Variants in AGBL4 observed in about 807,000 individuals in gnomAD.
AGBL4 encodes the protein AGBL carboxypeptidase 4.
Under a neutral mutation model 66.4 loss-of-function variants are expected in AGBL4, and 58 were observed. The ratio of observed to expected loss-of-function variants is 0.87; its 90% confidence interval spans 0.71 to 1.09. The LOEUF (loss-of-function observed/expected upper bound fraction) is 1.09. Ranked by LOEUF, AGBL4 falls within the 50% of genes least tolerant of loss-of-function variation. The pLI is 0.00. For missense variants in AGBL4, 579 were observed against 631.0 expected, an observed-to-expected ratio of 0.92 and a Z score of 0.88; for synonymous variants, 234 against 222.9, an observed-to-expected ratio of 1.05 and a Z score of -0.44.
intron 1 of AGBL4, among the ~76,000 whole-genome samples, chr1:49,948,411 A>G (rs1250320016): frequency 1.7e-5 from 2 of 116,766 alleles, no homozygotes; most frequent in South Asian, 2.4e-4. Flanking sequence ...ATATATAAAT[A>G]TAGATAAATA....
intron 3 of AGBL4, among the ~76,000 whole-genome samples, chr1:49,694,939 G>C (rs1368978302): frequency 2.6e-5 from 4 of 152,028 alleles, no homozygotes; most frequent in Admixed American, 2.6e-4. Context: ...TTAAGTGAAA[G>C]AAAAACTGGG....
In AGBL4 at chr1:48,780,706, A is replaced by T. The variant is rs568307997; in HGVS notation, c.634+86485T>A. Among the ~76,000 whole-genome samples, 9 of 152,314 alleles carry T rather than the reference A, an allele frequency of 5.9e-5. No individual in the cohort carries two copies. In the South Asian group the frequency reaches 1.9e-3, roughly 32 times the overall value. On this transcript the variant is annotated intron_variant, in intron 6 of 13. Coordinates refer to ENST00000371839, the MANE Select transcript of AGBL4 (RefSeq NM_032785.4). ...GATTCCCTGTTTAATAAATAGTGTT[A>T]GGAAAACTAGCTAGCCATATGCACA...
chr1:49,686,747 T>C (rs1646794839), intron 3 of AGBL4, among the ~76,000 whole-genome samples: 1 of 152,198 alleles, frequency 6.6e-6, no homozygotes, highest in Non-Finnish European at 1.5e-5. Flanking sequence ...GTAAAATTTA[T>C]GGAAAGCTTT....
At chr1:49,715,879 C>T (rs968432431) in intron 2 of AGBL4, among the ~76,000 whole-genome samples, 1 of 152,008 alleles carries the variant, frequency 6.6e-6, no homozygotes, top group Non-Finnish European at 1.5e-5. Context: ...AGATTGCAAA[C>T]ATTTTCTCCC....
chr1:48,837,711 C>CTATA (rs58650623), intron 6 of AGBL4, among the ~76,000 whole-genome samples: 2,316 of 82,226 alleles, frequency 0.028, 95 homozygotes, highest in Middle Eastern at 0.066. Flanking sequence ...CACACACACA[C>CTATA]TATATATATA....
intron 3 of AGBL4, among the ~76,000 whole-genome samples, chr1:49,450,552 C>A (rs2148681429): frequency 6.6e-6 from 1 of 152,206 alleles, no homozygotes; most frequent in Middle Eastern, 3.4e-3. Flanking sequence ...TTCATTTATT[C>A]ATTCAACATA....
rs539318340 is a variant in AGBL4, at chr1:49,063,121, AT to A, written c.378-17322del. 2.9e-3 allele frequency among the ~76,000 whole-genome samples: 445 copies of A among 151,854 alleles called. 3 individuals are homozygous for A. The highest frequency in any genetic ancestry group is 0.024 in the South Asian group (116 of 4,812). ...AAATCAGAAGTATAGGAGGCAAGGA[AT>A]TTTTTTTTCATATAAGAAAAGCATA... is the stretch of plus-strand genomic sequence containing the variant. On this transcript the variant is annotated intron_variant, in intron 4 of 13. Transcript: ENST00000371839.
intron 5 of AGBL4, among the ~76,000 whole-genome samples, chr1:48,907,582 G>A (rs934175475): frequency 2.0e-5 from 3 of 152,084 alleles, no homozygotes; most frequent in Non-Finnish European, 4.4e-5. Flanking sequence ...TCTAGCCTAC[G>A]CAATTCATCA....
rs11485573 is a variant in AGBL4 at position 49,580,280 on chromosome 1, A to T, written c.282+117033T>A. Among the ~76,000 whole-genome samples the T allele has an allele frequency of 4.3e-3, 659 of 152,202 alleles. 7 individuals carry two copies. Among genetic ancestry groups the T allele is most frequent in the African/African-American group, 0.015 (617 of 41,538 alleles). Reference sequence around the variant, plus strand: ...TTTAAAATCCATTCAGACAATCCTTATCTTTTAAGTGGAGAACTTAATATA... The same window carrying T: ...TTTAAAATCCATTCAGACAATCCTTTTCTTTTAAGTGGAGAACTTAATATA... On this transcript the variant is annotated intron_variant, in intron 3 of 13. Coordinates refer to ENST00000371839, the MANE Select transcript of AGBL4 (RefSeq NM_032785.4).
chr1:49,850,063 A>G (rs779891506), intron 2 of AGBL4, among the ~76,000 whole-genome samples: 14 of 152,212 alleles, frequency 9.2e-5, no homozygotes, highest in Non-Finnish European at 1.8e-4. Flanking sequence ...TGGAAGTACA[A>G]TACTACAATA....
At chr1:49,172,733 G>A (rs1010496055) in intron 4 of AGBL4, among the ~76,000 whole-genome samples, 1 of 152,164 alleles carries the variant, frequency 6.6e-6, no homozygotes, top group Non-Finnish European at 1.5e-5. Flanking sequence ...TTCGTTGTTG[G>A]GTTCTGAAAA....
At chr1:48,880,800 A>T (rs575378473) in intron 5 of AGBL4, among the ~76,000 whole-genome samples, 123 of 152,298 alleles carry the variant, frequency 8.1e-4, no homozygotes, top group Non-Finnish European at 1.6e-3. Flanking sequence ...ATAGGTAATA[A>T]TTACATATTA....
At chr1:48,527,328 G>C in the AGBL4 span, among the ~76,000 whole-genome samples, 69 of 152,180 alleles carry the variant, frequency 4.5e-4, no homozygotes, top group African/African-American at 1.4e-3. Context: ...TGGCGCAACA[G>C]CTCACGCCTG....
At chr1:49,970,016 T>C (rs1657917600) in intron 1 of AGBL4, among the ~76,000 whole-genome samples, 1 of 152,282 alleles carries the variant, frequency 6.6e-6, no homozygotes, top group African/African-American at 2.4e-5. Context: ...GTCTCTTCAA[T>C]AGATAGTGTT....
At chr1:49,883,629 A>G (rs1271724409) in intron 1 of AGBL4, among the ~76,000 whole-genome samples, 1 of 152,070 alleles carries the variant, frequency 6.6e-6, no homozygotes, top group East Asian at 1.9e-4. Context: ...GACTTTTAGG[A>G]CCTAATTTGA....
intron 5 of AGBL4, among the ~76,000 whole-genome samples, chr1:48,887,751 C>A (rs1237503650): frequency 1.3e-5 from 2 of 152,160 alleles, no homozygotes; most frequent in Non-Finnish European, 2.9e-5. Context: ...AAGCCACAGG[C>A]CTTGTCAAAA....
chr1:48,687,070 G>T (rs114371568), intron 6 of AGBL4, among the ~76,000 whole-genome samples: 5,199 of 150,422 alleles, frequency 0.035, 288 homozygotes, highest in African/African-American at 0.12. Flanking sequence ...AGGGGGTGGG[G>T]CAGCGGGGCA....
chr1:49,517,214 G>T (rs567450391), intron 3 of AGBL4, among the ~76,000 whole-genome samples: 1 of 151,048 alleles, frequency 6.6e-6, no homozygotes, highest in South Asian at 2.1e-4. Context: ...TGAGAGTATT[G>T]AACTAATGTA....
chr1:48,815,756 A>C (rs1325887896), intron 6 of AGBL4, among the ~76,000 whole-genome samples: 1 of 152,202 alleles, frequency 6.6e-6, no homozygotes, highest in Non-Finnish European at 1.5e-5. Context: ...AAATCAAGAA[A>C]GAGAACGATC....
Sources: allele counts gnomAD v4.1 joint callset (sites outside exome capture counted in the v4.1 genomes callset), GRCh38; gene constraint gnomAD v4.1.1; transcripts MANE v1.5; gene names NCBI Gene and HGNC (gene_info 2026-07-23, HGNC 2026-07-21).